C3orf33: variants seen among roughly 807,000 people sequenced by gnomAD.
C3orf33 encodes AP-1 activity suppressor.
Under a neutral mutation model 28.7 loss-of-function variants are expected in C3orf33, and 23 were observed. The observed-to-expected ratio is 0.80, with a 90% confidence interval of 0.58 to 1.13. C3orf33 has a LOEUF of 1.13. Among genes scored for constraint, C3orf33 ranks in the 50% most tolerant of loss-of-function variants. The pLI is 0.00. For synonymous variants in C3orf33, 119 were observed against 120.5 expected (o/e 0.99, Z 0.08); for missense variants, 327 against 353.4 (o/e 0.93, Z 0.60).
At chr3:155,805,101 C>A (rs1751769874) in intron 1 of C3orf33, among the ~76,000 whole-genome samples, 1 of 151,480 alleles carries the variant, frequency 6.6e-6, no homozygotes, top group Non-Finnish European at 1.5e-5. Context: ...CCCTCTCTTG[C>A]CTGGTGGCCT....
At chr3:155,805,400 C>T (rs553340723) in intron 1 of C3orf33, among the ~76,000 whole-genome samples, 3 of 152,054 alleles carry the variant, frequency 2.0e-5, no homozygotes, top group Non-Finnish European at 4.4e-5. Flanking sequence ...GAAGTGGAGA[C>T]TGCAACGAGA....
At chr3:155,771,098 G>A (rs1446069241) in intron 3 of C3orf33, among the ~76,000 whole-genome samples, 2 of 149,918 alleles carry the variant, frequency 1.3e-5, no homozygotes, top group African/African-American at 4.9e-5. Context: ...GGAGGACAGT[G>A]TGTGTGTGTG....
chr3:155,802,898 C>T (rs984556756), intron 1 of C3orf33, among the ~76,000 whole-genome samples: 10 of 151,972 alleles, frequency 6.6e-5, no homozygotes, highest in African/African-American at 2.4e-4. Context: ...CACACCCACC[C>T]ACCCCAATAC....
chr3:155,763,470 C>T lies in C3orf33; in HGVS notation c.*47G>A, dbSNP rs755342248. Reference sequence around the variant, plus strand: ...TCAATGAAAAACGTCCATATATTTACATATTTCACTCTTTGGAGAAGGTTA... The same window carrying T: ...TCAATGAAAAACGTCCATATATTTATATATTTCACTCTTTGGAGAAGGTTA... On this transcript the variant is annotated 3_prime_UTR_variant, in exon 5 of 5. Transcript: ENST00000340171. The T allele has an allele frequency of 7.3e-7, 1 of 1,366,702 alleles. No homozygotes were observed. Among genetic ancestry groups the T allele is most frequent in the South Asian group, 2.1e-5 (1 of 48,400 alleles). The allele number at this position is 1,366,702 out of a possible 1,614,324, so 84.7% of individuals were successfully genotyped here.
chr3:155,804,404 G>T (rs1202991199), intron 1 of C3orf33, among the ~76,000 whole-genome samples: 1 of 152,088 alleles, frequency 6.6e-6, no homozygotes, highest in Non-Finnish European at 1.5e-5. Flanking sequence ...ACCATTCAAT[G>T]ATGCTACAAA....
At chr3:155,801,309 CAAAAAAA>C (rs59221219) in intron 2 of C3orf33, among the ~76,000 whole-genome samples, 73,856 of 122,986 alleles carry the variant, frequency 0.6, 19,082 homozygotes, top group Middle Eastern at 0.69. Flanking sequence ...AGACTCTGTC[CAAAAAAA>C]AAAAAAAAAA....
Position 155,784,992 on chromosome 3 carries a change from T to G in C3orf33, c.175-9144A>C, listed in dbSNP as rs185810217. On this transcript the variant is annotated intron_variant, in intron 2 of 4. Transcript: ENST00000340171. ...TATGCAGTCTACAGGGGATACACTT[T>G]AAATCCAAACAAATAGGTTGAAAGT... Among the ~76,000 whole-genome samples the G allele has an allele frequency of 2.2e-3, 335 of 151,908 alleles. 2 individuals are homozygous for G. Among genetic ancestry groups the G allele is most frequent in the African/African-American group, 7.7e-3 (318 of 41,528 alleles).
rs1042279765 is a variant in C3orf33, at chr3:155,778,090, C to T, written c.175-2242G>A. ...GCTTGAACCTGGGAGGTGGAGGTTG[C>T]AGTGAGCTGAGATCGTGCCACTGCA... On this transcript the variant is annotated intron_variant, in intron 2 of 4. Transcript: ENST00000340171. Among the ~76,000 whole-genome samples the T allele has an allele frequency of 6.4e-5, 8 of 125,980 alleles. No individual in the cohort carries two copies. The Admixed American group carries it at 8.6e-4, about 14-fold the overall frequency. 82.6% of individuals were successfully genotyped at this position (125,980 alleles called of 152,430 possible).
intron 2 of C3orf33, among the ~76,000 whole-genome samples, chr3:155,790,794 C>G (rs1751292259): frequency 6.6e-6 from 1 of 152,170 alleles, no homozygotes; most frequent in South Asian, 2.1e-4. Flanking sequence ...AGAAGGGAAT[C>G]ATTCATGCCA....
chr3:155,776,832 A>T (rs1245602711), intron 2 of C3orf33, among the ~76,000 whole-genome samples: 1 of 151,188 alleles, frequency 6.6e-6, no homozygotes, highest in African/African-American at 2.4e-5. Context: ...TGAACTGAAG[A>T]TTTTTATAAC....
At chr3:155,791,730 G>A (rs1751321124) in intron 2 of C3orf33, among the ~76,000 whole-genome samples, 1 of 151,886 alleles carries the variant, frequency 6.6e-6, no homozygotes, top group South Asian at 2.1e-4. Flanking sequence ...GCCCCAGGGA[G>A]AGACTCTTCT....
intron 2 of C3orf33, among the ~76,000 whole-genome samples, chr3:155,784,918 T>C (rs1340818056): frequency 6.6e-6 from 1 of 151,612 alleles, no homozygotes; most frequent in Admixed American, 6.6e-5. Flanking sequence ...AAGTCTCCAA[T>C]AGAAAGAGAG....
chr3:155,787,798 G>T (rs945529773), intron 2 of C3orf33, among the ~76,000 whole-genome samples: 1 of 151,504 alleles, frequency 6.6e-6, no homozygotes, highest in Non-Finnish European at 1.5e-5. Flanking sequence ...ACAAGTTTAA[G>T]CCACCACACA....
chr3:155,772,900 ACTTT>A (rs1316594201), intron 3 of C3orf33, among the ~76,000 whole-genome samples: 1 of 151,790 alleles, frequency 6.6e-6, no homozygotes, highest in African/African-American at 2.4e-5. Context: ...AGAAATCATA[ACTTT>A]CTTGTTTGAT....
intron 2 of C3orf33, among the ~76,000 whole-genome samples, chr3:155,799,178 A>C (rs937263075): frequency 2.6e-5 from 4 of 152,208 alleles, no homozygotes; most frequent in Admixed American, 2.6e-4. Context: ...TGAAAAATGT[A>C]AATTATTACA....
At chr3:155,780,350 T>C (rs1216517345) in intron 2 of C3orf33, among the ~76,000 whole-genome samples, 2 of 152,226 alleles carry the variant, frequency 1.3e-5, no homozygotes, top group African/African-American at 4.8e-5. Context: ...AGACATAAAT[T>C]TGAAATCCAG....
intron 2 of C3orf33, among the ~76,000 whole-genome samples, chr3:155,786,578 G>A (rs1401564996): frequency 6.6e-6 from 1 of 152,192 alleles, no homozygotes. Flanking sequence ...TGTAATCCCA[G>A]CACTTTGGGA....
At chr3:155,786,488 C>G (rs73159021) in intron 2 of C3orf33, among the ~76,000 whole-genome samples, 1 of 151,924 alleles carries the variant, frequency 6.6e-6, no homozygotes, top group Non-Finnish European at 1.5e-5. Context: ...AACCACTGTA[C>G]GCTAACAAAT....
At chr3:155,800,277 C>T (rs556003270) in intron 2 of C3orf33, among the ~76,000 whole-genome samples, 9 of 152,038 alleles carry the variant, frequency 5.9e-5, no homozygotes, top group African/African-American at 1.7e-4. Flanking sequence ...AAAACTTGCA[C>T]ATCAATGAGC....
Sources: gnomAD v4.1 joint callset for allele counts (sites outside exome capture counted in the v4.1 genomes callset) on GRCh38, gnomAD v4.1.1 for gene constraint, MANE v1.5 for transcripts, NCBI Gene and HGNC (gene_info 2026-07-23, HGNC 2026-07-21) for gene names.